ATXN1: variants seen among roughly 807,000 people sequenced by gnomAD.
ATXN1 encodes ataxin 1.
Under a neutral mutation model 56.4 loss-of-function variants are expected in ATXN1, and 8 were observed. That is an observed-to-expected ratio of 0.14 (90% CI 0.08 to 0.26). The LOEUF (loss-of-function observed/expected upper bound fraction) is 0.26, where lower values mean the gene tolerates loss of function less well. Ranked by LOEUF, ATXN1 falls within the 10% of genes least tolerant of loss-of-function variation. The probability of loss-of-function intolerance (pLI) is 1.00; values close to 1 mark genes in which losing one functional copy is unlikely to be tolerated. For missense variants in ATXN1, 987 were observed against 1,106.5 expected (o/e 0.89, Z 1.53); for synonymous variants, 514 against 494.6 (o/e 1.04, Z -0.52).
intron 4 of ATXN1, among the ~76,000 whole-genome samples, chr6:16,582,022 A>G (rs1762539622): frequency 6.6e-6 from 1 of 152,222 alleles, no homozygotes; most frequent in Non-Finnish European, 1.5e-5. Flanking sequence ...GGCCCTAGCA[A>G]CTGTGCATTC....
intron 4 of ATXN1, among the ~76,000 whole-genome samples, chr6:16,535,892 TC>T (rs1479401472): frequency 6.6e-6 from 1 of 152,190 alleles, no homozygotes; most frequent in Non-Finnish European, 1.5e-5. Context: ...TACAGACTAA[TC>T]ATTTTGTGGA....
At chr6:16,478,511 T>C (rs1016335133) in intron 6 of ATXN1, among the ~76,000 whole-genome samples, 11 of 152,224 alleles carry the variant, frequency 7.2e-5, no homozygotes, top group Admixed American at 5.2e-4. Flanking sequence ...CGTTCTACTC[T>C]TCTACCTTCT....
intron 7 of ATXN1, among the ~76,000 whole-genome samples, chr6:16,318,897 T>G (rs922923928): frequency 3.9e-5 from 6 of 152,132 alleles, no homozygotes; most frequent in African/African-American, 1.4e-4. Flanking sequence ...TCTAGCTCAC[T>G]TGCCTTCCTT....
chr6:16,604,718 C>T (rs1027304243), intron 3 of ATXN1, among the ~76,000 whole-genome samples: 2 of 150,052 alleles, frequency 1.3e-5, no homozygotes, highest in Non-Finnish European at 3.0e-5. Flanking sequence ...TCTGAGTAGC[C>T]GGGACCACAG....
intron 6 of ATXN1, among the ~76,000 whole-genome samples, chr6:16,449,756 T>A (rs967591537): frequency 2.6e-5 from 4 of 152,232 alleles, no homozygotes; most frequent in Non-Finnish European, 5.9e-5. Context: ...ATCCTGAGCT[T>A]GCAAGGTAAC....
intron 2 of ATXN1, among the ~76,000 whole-genome samples, chr6:16,723,715 A>T (rs978698000): frequency 1.3e-5 from 2 of 152,286 alleles, no homozygotes; most frequent in African/African-American, 2.4e-5. Flanking sequence ...TTAATAACAT[A>T]GTGCACTTCC....
chr6:16,491,295 T>G (rs9464910), intron 5 of ATXN1, among the ~76,000 whole-genome samples: 3 of 128,580 alleles, frequency 2.3e-5, no homozygotes, highest in Non-Finnish European at 4.8e-5. Context: ...TTTTTTTTTT[T>G]TTTTTTGATA....
chr6:16,622,477 A>G (rs1171737788), intron 3 of ATXN1, among the ~76,000 whole-genome samples: 1 of 152,190 alleles, frequency 6.6e-6, no homozygotes, highest in Non-Finnish European at 1.5e-5. Context: ...AAATGAACTG[A>G]CAAAATTAGT....
At chr6:16,488,140 A>G (rs916943284) in intron 5 of ATXN1, among the ~76,000 whole-genome samples, 5 of 152,186 alleles carry the variant, frequency 3.3e-5, no homozygotes, top group Non-Finnish European at 7.3e-5. Flanking sequence ...CCCCTGATGC[A>G]GGTATTATTC....
chr6:16,491,969 C>G (rs771685806), intron 5 of ATXN1, among the ~76,000 whole-genome samples: 61 of 152,066 alleles, frequency 4.0e-4, no homozygotes, highest in Non-Finnish European at 6.8e-4. Context: ...GGAACGGGAC[C>G]TTGGTCCTAC....
At chr6:16,491,283 T>A (rs57656320) in intron 5 of ATXN1, among the ~76,000 whole-genome samples, 18,820 of 115,076 alleles carry the variant, frequency 0.16, 2,095 homozygotes, top group African/African-American at 0.31. Flanking sequence ...TATTATTTTT[T>A]TTTTTTTTTT....
At chr6:16,341,579 C>T (rs976684665) in intron 6 of ATXN1, among the ~76,000 whole-genome samples, 5 of 137,028 alleles carry the variant, frequency 3.6e-5, no homozygotes, top group Non-Finnish European at 6.1e-5. Flanking sequence ...AATGCAGTGG[C>T]GTGATCTCGG....
chr6:16,725,823 G>A (rs1190416994), intron 2 of ATXN1, among the ~76,000 whole-genome samples: 1 of 152,158 alleles, frequency 6.6e-6, no homozygotes, highest in Non-Finnish European at 1.5e-5. Context: ...GCGCTCCTAA[G>A]GGAAAAGACT....
At chr6:16,460,848 G>A (rs1268049978) in intron 6 of ATXN1, among the ~76,000 whole-genome samples, 1 of 152,174 alleles carries the variant, frequency 6.6e-6, no homozygotes, top group Non-Finnish European at 1.5e-5. Context: ...CGCCTAGTTA[G>A]CAGAACTTAC....
chr6:16,750,615 G>A (rs1760681323), intron 2 of ATXN1, among the ~76,000 whole-genome samples: 1 of 152,292 alleles, frequency 6.6e-6, no homozygotes. Context: ...AGGTGACTTT[G>A]CGCTACTTCG....
At chr6:16,674,029 CATGGA>C (rs1758602052) in intron 2 of ATXN1, among the ~76,000 whole-genome samples, 1 of 151,894 alleles carries the variant, frequency 6.6e-6, no homozygotes, top group Admixed American at 6.6e-5. Context: ...CCCTCCCATA[CATGGA>C]AATGCTCTAA....
chr6:16,531,172 G>T (rs934193645), intron 4 of ATXN1, among the ~76,000 whole-genome samples: 3 of 152,198 alleles, frequency 2.0e-5, no homozygotes, highest in South Asian at 4.1e-4. Flanking sequence ...TCTTTAGGGT[G>T]CCAGGCAGCA....
intron 2 of ATXN1, among the ~76,000 whole-genome samples, chr6:16,723,848 T>C (rs947924879): frequency 4.6e-5 from 7 of 152,194 alleles, no homozygotes; most frequent in African/African-American, 1.7e-4. Context: ...CAGTGTAACA[T>C]TTCCACAGTA....
chr6:16,466,187 T>C, intron 6 of ATXN1, among the ~76,000 whole-genome samples: 1 of 151,570 alleles, frequency 6.6e-6, no homozygotes, highest in East Asian at 1.9e-4. Context: ...CAGTGGCAGG[T>C]GCCTGTAATC....
Sources: allele counts gnomAD v4.1 joint callset (sites outside exome capture counted in the v4.1 genomes callset), GRCh38; gene constraint gnomAD v4.1.1; transcripts MANE v1.5; gene names NCBI Gene and HGNC (gene_info 2026-07-23, HGNC 2026-07-21).